CYLC2: variants seen among roughly 807,000 people sequenced by gnomAD.
CYLC2 encodes cylicin-2.
Under a neutral mutation model 26.1 loss-of-function variants are expected in CYLC2, and 30 were observed. That is an observed-to-expected ratio of 1.15 (90% CI 0.86 to 1.56). CYLC2 has a LOEUF of 1.56. Among genes scored for constraint, CYLC2 ranks in the 40% most tolerant of loss-of-function variants. The probability of loss-of-function intolerance (pLI) is 0.00; values close to 1 mark genes in which losing one functional copy is unlikely to be tolerated. For synonymous variants in CYLC2, 158 were observed against 132.8 expected (o/e 1.19, Z -1.31); for missense variants, 498 against 394.4 (o/e 1.26, Z -2.23).
chr9:103,012,835 T>C (rs1280344135), intron 6 of CYLC2, among the ~76,000 whole-genome samples: 1 of 151,518 alleles, frequency 6.6e-6, no homozygotes, highest in Non-Finnish European at 1.5e-5. Context: ...GCCATAGTCA[T>C]CATATGAGCA....
At chr9:102,999,165 A>G (rs1024589614) in intron 1 of CYLC2, among the ~76,000 whole-genome samples, 1 of 151,696 alleles carries the variant, frequency 6.6e-6, no homozygotes, top group Non-Finnish European at 1.5e-5. Flanking sequence ...TGCAGCTTTT[A>G]TATGTATTTT....
intron 7 of CYLC2, among the ~76,000 whole-genome samples, chr9:103,017,312 A>G (rs1829517411): frequency 6.6e-6 from 1 of 152,054 alleles, no homozygotes; most frequent in Non-Finnish European, 1.5e-5. Flanking sequence ...GGAAAATATT[A>G]AAGTTCATCA....
At chr9:103,012,397 T>A (rs188588723) in intron 6 of CYLC2, among the ~76,000 whole-genome samples, 1 of 152,082 alleles carries the variant, frequency 6.6e-6, no homozygotes, top group African/African-American at 2.4e-5. Flanking sequence ...ATACACCAGA[T>A]AAAATAATTC....
rs375836898 is a variant in CYLC2 at position 103,004,821 on chromosome 9, C to G, written c.307C>G (p.Arg103Gly). The G allele has an allele frequency of 3.1e-6, 5 of 1,611,980 alleles. No individual in the cohort carries two copies. The African/African-American group carries it at 5.4e-5, about 17-fold the overall frequency. ...CAGGAGGCAGCCTCTCAAACCAACT[C>G]GTACTGTCGAGGTGGATTCTAAAGC... ...AARRQPLKPT[R>G]TVEVDSKAAE... Residue 103 changes from arginine to glycine, a missense_variant, in exon 4 of 8, where the codon CGT (arginine) becomes GGT (glycine). Coordinates refer to ENST00000374798, the MANE Select transcript of CYLC2 (RefSeq NM_001340.5).
intron 6 of CYLC2, among the ~76,000 whole-genome samples, chr9:103,014,023 T>C (rs1218686312): frequency 8.7e-6 from 1 of 115,560 alleles, no homozygotes; most frequent in South Asian, 2.7e-4. Flanking sequence ...ATTAAATATA[T>C]TATTCATATT....
chr9:103,013,960 ATAT>A (rs1199146296), intron 6 of CYLC2, among the ~76,000 whole-genome samples: 3 of 114,790 alleles, frequency 2.6e-5, no homozygotes, highest in African/African-American at 7.1e-5. Context: ...TATATATTAT[ATAT>A]TATTATATTA....
chr9:103,000,788 A>T (rs981914506), intron 1 of CYLC2, among the ~76,000 whole-genome samples: 1 of 152,040 alleles, frequency 6.6e-6, no homozygotes, highest in Non-Finnish European at 1.5e-5. Flanking sequence ...CTCATGACCA[A>T]CGATGGCTCT....
Position 103,008,820 on chromosome 9 carries a change from C to T in CYLC2, c.*700+2442C>T, listed in dbSNP as rs575894181. 1.4e-4 allele frequency among the ~76,000 whole-genome samples: 21 copies of T among 152,260 alleles called. No homozygotes were observed. The South Asian group carries it at 3.7e-3, about 27-fold the overall frequency. ...TGAAAACTCCAAAGCCCTCTAAGTG[C>T]AGGGGAAGCCCCTGCTTCATGTCTC... On this transcript the variant is annotated intron_variant, in intron 5 of 7. Transcript: ENST00000374798.
intron 6 of CYLC2, among the ~76,000 whole-genome samples, chr9:103,014,066 CATAT>C (rs1177370199): frequency 9.0e-6 from 1 of 111,664 alleles, no homozygotes; most frequent in Non-Finnish European, 1.7e-5. Flanking sequence ...TTTAATATTT[CATAT>C]ATAAATTTAA....
At chr9:102,995,548 AT>A in intron 1 of CYLC2, 151 bp downstream of exon 1, 1 of 619,242 alleles carries the variant, frequency 1.6e-6, no homozygotes, top group Non-Finnish European at 2.8e-6. Context: ...CTCAAGCAAC[AT>A]AATAGATTTT....
At chr9:102,999,518 A>G (rs1829267996) in intron 1 of CYLC2, among the ~76,000 whole-genome samples, 1 of 151,564 alleles carries the variant, frequency 6.6e-6, no homozygotes, top group South Asian at 2.1e-4. Context: ...CTGAATAGAT[A>G]CAGTAGGTTT....
At chr9:102,995,539 T>A in intron 1 of CYLC2, 142 bp downstream of exon 1, 1 of 631,500 alleles carries the variant, frequency 1.6e-6, no homozygotes, top group Non-Finnish European at 2.7e-6. Context: ...ACAAAGATTC[T>A]CAAGCAACAT....
At chr9:102,997,024 T>C (rs62576155) in intron 1 of CYLC2, among the ~76,000 whole-genome samples, 16,995 of 151,804 alleles carry the variant, frequency 0.11, 1,105 homozygotes, top group Non-Finnish European at 0.13. Flanking sequence ...AATATTAGCT[T>C]CCCAATCTCG....
At chr9:102,999,630 T>C (rs1342241243) in intron 1 of CYLC2, among the ~76,000 whole-genome samples, 5 of 151,914 alleles carry the variant, frequency 3.3e-5, no homozygotes, top group African/African-American at 4.8e-5. Context: ...TATCAATCTG[T>C]GGGCTATGTT....
chr9:103,015,308 T>C (rs1176299302), intron 6 of CYLC2, among the ~76,000 whole-genome samples: 6 of 131,284 alleles, frequency 4.6e-5, no homozygotes, highest in African/African-American at 1.1e-4. Flanking sequence ...TGTTATAATA[T>C]ATATTATATA....
rs1829327955 is a variant in CYLC2, at chr9:103,005,121, G to C, written c.490G>C (p.Gly164Arg). Reference sequence around the variant, plus strand: ...AGATGCAAAGAAAGATAGCAAAAAAGGTAAAAAGGATGCAGAGAAGGGCAA... The same window carrying C: ...AGATGCAAAGAAAGATAGCAAAAAACGTAAAAAGGATGCAGAGAAGGGCAA... ...KLDAKKDSKKGKKDAEKGKDS... is the reference protein window; with the variant it reads ...KLDAKKDSKKRKKDAEKGKDS... Residue 164 changes from glycine to arginine, a missense_variant, in exon 5 of 8, where the codon GGT becomes CGT. By Grantham distance (125) the Gly-to-Arg change is moderately radical. Transcript: ENST00000374798. 6.2e-7 allele frequency: 1 copy of C among 1,607,694 alleles called. No homozygotes were observed. The highest frequency in any genetic ancestry group is 8.5e-7 in the Non-Finnish European group (1 of 1,177,764).
rs1413013662 is a variant in CYLC2, at chr9:103,006,051, CACACACACACACACACACACAG to C, written c.*374_*395del. The C allele has an allele frequency of 6.0e-6, 1 of 165,538 alleles. No individual in the cohort carries two copies. 10.3% of individuals were successfully genotyped at this position (165,538 alleles called of 1,614,324 possible). A position where few individuals can be genotyped will look rare whatever the true frequency, so the allele number is the denominator to read the frequency against. On this transcript the variant is annotated 3_prime_UTR_variant, in exon 5 of 8. Transcript: ENST00000374798. ...ACACACACACACACACACACACACA[CACACACACACACACACACACAG>C]TTTAATGAAGGCTTAAAGAATCCAA...
At chr9:103,015,188 A>T (rs1163872963) in intron 6 of CYLC2, among the ~76,000 whole-genome samples, 1 of 85,580 alleles carries the variant, frequency 1.2e-5, no homozygotes, top group African/African-American at 4.7e-5. Context: ...GATATACATA[A>T]CATGTATATC....
chr9:103,015,908 A>T (rs920375825), intron 6 of CYLC2, among the ~76,000 whole-genome samples: 52 of 150,132 alleles, frequency 3.5e-4, no homozygotes, highest in Admixed American at 1.2e-3. Context: ...TCAACTTCTA[A>T]TTCCCATTAA....
Sources: allele counts gnomAD v4.1 joint callset (sites outside exome capture counted in the v4.1 genomes callset), GRCh38; gene constraint gnomAD v4.1.1; transcripts MANE v1.5; gene names NCBI Gene and HGNC (gene_info 2026-07-23, HGNC 2026-07-21).